The following MTUS2 variants were observed in gnomAD, a reference collection of about 807,000 sequenced individuals.
The protein encoded by MTUS2 is microtubule-associated tumor suppressor candidate 2.
MTUS2 carries 40 observed loss-of-function variants against 114.1 expected under a neutral mutation model. The observed-to-expected ratio is 0.35, with a 90% CI of 0.27 to 0.46. The LOEUF (loss-of-function observed/expected upper bound fraction) is 0.46. Among genes scored for constraint, MTUS2 ranks in the 20% least tolerant of loss-of-function variants. The pLI, the probability that MTUS2 is intolerant of heterozygous loss-of-function variation, is 1.00. For missense variants in MTUS2, 1,679 were observed against 1,705.4 expected (o/e 0.98, Z 0.27); for synonymous variants, 688 against 672.0 (o/e 1.02, Z -0.37).
intron 5 of MTUS2, among the ~76,000 whole-genome samples, chr13:29,204,624 C>A (rs146286161): frequency 7.1e-4 from 108 of 152,326 alleles, no homozygotes; most frequent in African/African-American, 2.5e-3. Flanking sequence ...TGGGCCTGGA[C>A]CACAGGGCCC....
intron 2 of MTUS2, among the ~76,000 whole-genome samples, chr13:28,844,545 T>G (rs1476079490): frequency 6.6e-6 from 1 of 150,514 alleles, no homozygotes; most frequent in Non-Finnish European, 1.5e-5. Context: ...GGGAGCAGCT[T>G]TGGCACATAG....
chr13:29,161,625 T>C, intron 5 of MTUS2, among the ~76,000 whole-genome samples: 1 of 152,206 alleles, frequency 6.6e-6, no homozygotes, highest in East Asian at 1.9e-4. Context: ...ATGAAAGCAT[T>C]GTCTATACTC....
At position 29,427,476 on chromosome 13, in the gene MTUS2, G is replaced by A. The variant is rs192536768; in HGVS notation, c.3118-12507G>A. Reference sequence around the variant, plus strand: ...ATGTGAATATTATTATAGCATAGACGTGCAAATGTTGGGTCAAGGTGTGCG... The same window carrying A: ...ATGTGAATATTATTATAGCATAGACATGCAAATGTTGGGTCAAGGTGTGCG... On this transcript the variant is annotated intron_variant, in intron 8 of 15. Coordinates refer to ENST00000612955, the MANE Select transcript of MTUS2 (RefSeq NM_001033602.4). Among the ~76,000 whole-genome samples the A allele has an allele frequency of 1.4e-4, 21 of 152,238 alleles. No homozygotes were observed. In the East Asian group the frequency reaches 2.3e-3, roughly 17 times the overall value.
At chr13:29,296,194 G>A (rs1898933962) in intron 6 of MTUS2, among the ~76,000 whole-genome samples, 1 of 126,666 alleles carries the variant, frequency 7.9e-6, no homozygotes, top group Non-Finnish European at 1.6e-5. Context: ...TCTATTTTTA[G>A]GTTTTTGTTT....
At chr13:29,128,694 T>C (rs546874770) in intron 5 of MTUS2, among the ~76,000 whole-genome samples, 1 of 152,286 alleles carries the variant, frequency 6.6e-6, no homozygotes, top group South Asian at 2.1e-4. Context: ...TATCTTCTAA[T>C]CATTATTTAA....
intron 9 of MTUS2, among the ~76,000 whole-genome samples, chr13:29,457,600 G>T (rs73444099): frequency 6.6e-6 from 1 of 152,004 alleles, no homozygotes; most frequent in Non-Finnish European, 1.5e-5. Flanking sequence ...AGGCTGTTAT[G>T]AATATCCTTA....
intron 2 of MTUS2, among the ~76,000 whole-genome samples, chr13:28,909,807 A>C (rs1288882157): frequency 1.3e-5 from 2 of 152,344 alleles, no homozygotes; most frequent in East Asian, 3.9e-4. Context: ...AATCTCCTTA[A>C]GCTCATAGGC....
chr13:29,285,287 A>G (rs1326270037), intron 6 of MTUS2, among the ~76,000 whole-genome samples: 1 of 152,100 alleles, frequency 6.6e-6, no homozygotes, highest in Non-Finnish European at 1.5e-5. Context: ...AGGAAAAGAA[A>G]AGCCTTTTAG....
chr13:29,440,672 C>A (rs575081864), intron 9 of MTUS2, among the ~76,000 whole-genome samples: 1 of 152,300 alleles, frequency 6.6e-6, no homozygotes, highest in African/African-American at 2.4e-5. Context: ...ATCTGTTATT[C>A]TCTTTCCCCA....
intron 9 of MTUS2, among the ~76,000 whole-genome samples, chr13:29,463,634 C>G: frequency 6.6e-6 from 1 of 152,286 alleles, no homozygotes; most frequent in South Asian, 2.1e-4. Flanking sequence ...GATTCAATCC[C>G]AGGTGCTCTG....
At chr13:29,222,931 C>T (rs138304249) in intron 5 of MTUS2, among the ~76,000 whole-genome samples, 25 of 152,350 alleles carry the variant, frequency 1.6e-4, no homozygotes, top group South Asian at 1.5e-3. Flanking sequence ...TGAGCTGTCT[C>T]GGCCCCCTCT....
At chr13:29,338,556 C>T (rs1901206995) in intron 7 of MTUS2, among the ~76,000 whole-genome samples, 1 of 152,020 alleles carries the variant, frequency 6.6e-6, no homozygotes, top group Non-Finnish European at 1.5e-5. Flanking sequence ...TGCCATTGCA[C>T]TACAGCCTGG....
intron 2 of MTUS2, among the ~76,000 whole-genome samples, chr13:28,963,766 C>T (rs1309406202): frequency 6.6e-6 from 1 of 152,190 alleles, no homozygotes. Context: ...GGAGACTGCT[C>T]TTGTCAACTT....
intron 4 of MTUS2, among the ~76,000 whole-genome samples, chr13:29,063,609 T>A (rs187009876): frequency 1.1e-3 from 167 of 152,308 alleles, no homozygotes; most frequent in African/African-American, 3.8e-3. Flanking sequence ...GTCATTTTTT[T>A]AAATAGGATG....
chr13:28,938,534 G>T (rs1430216223), intron 2 of MTUS2, among the ~76,000 whole-genome samples: 2 of 149,164 alleles, frequency 1.3e-5, no homozygotes, highest in Non-Finnish European at 3.0e-5. Flanking sequence ...AAGAAGGTTA[G>T]ATTTTTTAGG....
chr13:29,275,260 A>T (rs9551639), intron 5 of MTUS2, among the ~76,000 whole-genome samples: 23,529 of 152,180 alleles, frequency 0.15, 2,043 homozygotes, highest in African/African-American at 0.23. Context: ...CATAGTAAGT[A>T]TGTATATTTA....
At chr13:28,958,966 A>G (rs919338477) in intron 2 of MTUS2, among the ~76,000 whole-genome samples, 2 of 152,200 alleles carry the variant, frequency 1.3e-5, no homozygotes, top group African/African-American at 4.8e-5. Flanking sequence ...GGAAGAGGGT[A>G]GGCTTCTGAG....
At chr13:29,093,122 A>C (rs1890036334) in intron 4 of MTUS2, among the ~76,000 whole-genome samples, 1 of 152,188 alleles carries the variant, frequency 6.6e-6, no homozygotes, top group Non-Finnish European at 1.5e-5. Flanking sequence ...GTTAGCAGTC[A>C]AAGTGAAAAC....
intron 1 of MTUS2, among the ~76,000 whole-genome samples, chr13:28,832,240 A>G (rs1282854731): frequency 1.3e-5 from 2 of 152,230 alleles, no homozygotes; most frequent in Non-Finnish European, 2.9e-5. Context: ...CCTGTAGGAA[A>G]TTCTTTAAAA....
Sources: allele counts gnomAD v4.1 joint callset (sites outside exome capture counted in the v4.1 genomes callset), GRCh38; gene constraint gnomAD v4.1.1; transcripts MANE v1.5; gene names NCBI Gene and HGNC (gene_info 2026-07-23, HGNC 2026-07-21).